The following PLXDC2 variants were observed in gnomAD, a reference collection of about 807,000 sequenced individuals.
The protein encoded by PLXDC2 is plexin domain containing 2, also known as plexin domain-containing protein 2.
A neutral mutation model predicts 68.9 loss-of-function variants in PLXDC2; 40 were observed. The observed-to-expected ratio is 0.58, with a 90% CI of 0.45 to 0.76. The LOEUF (loss-of-function observed/expected upper bound fraction) is 0.76. Ranked by LOEUF, PLXDC2 falls within the 30% of genes least tolerant of loss-of-function variation. The pLI, the probability that PLXDC2 is intolerant of heterozygous loss-of-function variation, is 0.00. For synonymous variants in PLXDC2, 243 were observed against 234.2 expected, an observed-to-expected ratio of 1.04 and a Z score of -0.34; for missense variants, 644 against 661.9, an observed-to-expected ratio of 0.97 and a Z score of 0.30.
intron 6 of PLXDC2, among the ~76,000 whole-genome samples, chr10:20,150,145 C>T (rs565207851): frequency 6.6e-5 from 10 of 152,220 alleles, no homozygotes; most frequent in African/African-American, 2.4e-4. Context: ...CCTCTTGATG[C>T]TGTACTTTCT....
intron 3 of PLXDC2, among the ~76,000 whole-genome samples, chr10:20,051,073 A>G (rs187199363): frequency 1.4e-4 from 22 of 152,202 alleles, no homozygotes; most frequent in Middle Eastern, 3.4e-3. Flanking sequence ...GAACAAGATC[A>G]TGTCTTTTGT....
At chr10:19,965,176 C>G (rs1385195796) in intron 1 of PLXDC2, among the ~76,000 whole-genome samples, 1 of 152,114 alleles carries the variant, frequency 6.6e-6, no homozygotes, top group African/African-American at 2.4e-5. Context: ...TGCTATTAAA[C>G]TAGATGATCC....
intron 4 of PLXDC2, among the ~76,000 whole-genome samples, chr10:20,113,394 A>G (rs1191586167): frequency 6.6e-6 from 1 of 152,144 alleles, no homozygotes; most frequent in Non-Finnish European, 1.5e-5. Flanking sequence ...ATCATCTTCC[A>G]TTGAACGCCT....
intron 4 of PLXDC2, among the ~76,000 whole-genome samples, chr10:20,115,678 C>T (rs1042901865): frequency 1.3e-5 from 2 of 152,126 alleles, no homozygotes; most frequent in Non-Finnish European, 2.9e-5. Flanking sequence ...CTACGCCTCC[C>T]CCATACTTCC....
chr10:20,188,323 T>G (rs1401045613), intron 9 of PLXDC2, among the ~76,000 whole-genome samples: 1 of 151,464 alleles, frequency 6.6e-6, no homozygotes, highest in Non-Finnish European at 1.5e-5. Flanking sequence ...GAAATCAACA[T>G]TTTTAGCTTC....
chr10:19,904,292 C>G lies in PLXDC2; in HGVS notation c.112+87101C>G, dbSNP rs576837194. Among the ~76,000 whole-genome samples, 5 of 152,198 alleles carry G rather than the reference C, an allele frequency of 3.3e-5. No homozygotes were observed. In the South Asian group the frequency reaches 1.0e-3, roughly 32 times the overall value. On this transcript the variant is annotated intron_variant, in intron 1 of 13. Coordinates refer to ENST00000377252, the MANE Select transcript of PLXDC2 (RefSeq NM_032812.9). The stretch of plus-strand genomic sequence containing the variant: ...TGCAGTCAGTGGAGCATTACGTCCC[C>G]CACTATTATTGTGTTGCTGTCTATC...
chr10:19,971,285 A>G (rs920051880), intron 1 of PLXDC2, among the ~76,000 whole-genome samples: 1 of 152,232 alleles, frequency 6.6e-6, no homozygotes, highest in Non-Finnish European at 1.5e-5. Flanking sequence ...TAATCATAAC[A>G]TGACGAGTGA....
chr10:20,101,154 A>G (rs1009668275), intron 4 of PLXDC2, among the ~76,000 whole-genome samples: 3 of 152,180 alleles, frequency 2.0e-5, no homozygotes, highest in African/African-American at 7.2e-5. Context: ...AGTGGCTTCT[A>G]AAAATGATGT....
At chr10:20,074,096 G>A (rs1836391555) in intron 4 of PLXDC2, among the ~76,000 whole-genome samples, 1 of 152,046 alleles carries the variant, frequency 6.6e-6, no homozygotes, top group Admixed American at 6.5e-5. Context: ...AAGATAATAT[G>A]TGGAATTGTG....
intron 4 of PLXDC2, among the ~76,000 whole-genome samples, chr10:20,116,569 G>A (rs1833625745): frequency 6.6e-6 from 1 of 152,148 alleles, no homozygotes; most frequent in Non-Finnish European, 1.5e-5. Context: ...AAGTAAAAAG[G>A]TTGTTAAGGG....
In PLXDC2 at chr10:20,288,335, T is replaced by C. The variant is rs2119412489; in HGVS notation, c.*8516T>C. On this transcript the variant is annotated 3_prime_UTR_variant, in exon 14 of 14. Coordinates refer to ENST00000377252, the MANE Select transcript of PLXDC2 (RefSeq NM_032812.9). ...AAGCATTTTGAATTTATTCCAGTCC[T>C]CTGGGCATCATTCCTATTTCTTCTG... 1 of 152,196 alleles carries C rather than the reference T, an allele frequency of 6.6e-6. No individual in the cohort carries two copies. The highest frequency in any genetic ancestry group is 1.9e-4 in the East Asian group (1 of 5,142). 9.4% of individuals were successfully genotyped at this position (152,196 alleles called of 1,614,324 possible).
chr10:20,198,505 C>A (rs1834872123), intron 9 of PLXDC2, among the ~76,000 whole-genome samples: 1 of 152,012 alleles, frequency 6.6e-6, no homozygotes, highest in African/African-American at 2.4e-5. Flanking sequence ...GGGTACTAAT[C>A]TCACAAGAGA....
intron 2 of PLXDC2, among the ~76,000 whole-genome samples, chr10:20,033,933 G>T (rs1380893628): frequency 6.6e-6 from 1 of 152,092 alleles, no homozygotes; most frequent in African/African-American, 2.4e-5. Context: ...AAACTTTGAA[G>T]GTGAGACAAA....
chr10:20,084,805 T>C (rs1412549112), intron 4 of PLXDC2, among the ~76,000 whole-genome samples: 2 of 151,540 alleles, frequency 1.3e-5, no homozygotes, highest in East Asian at 2.0e-4. Flanking sequence ...CTCTATCTTA[T>C]ATTTGGTCAA....
At chr10:20,029,787 G>T (rs577016689) in intron 2 of PLXDC2, among the ~76,000 whole-genome samples, 2 of 152,080 alleles carry the variant, frequency 1.3e-5, no homozygotes, top group Non-Finnish European at 2.9e-5. Flanking sequence ...AAACAAAACT[G>T]CTCAACAGAT....
chr10:20,140,735 G>T (rs1036498342), intron 4 of PLXDC2, among the ~76,000 whole-genome samples: 4 of 151,868 alleles, frequency 2.6e-5, no homozygotes, highest in Non-Finnish European at 4.4e-5. Context: ...TTTATTTCTT[G>T]GTCATTAGAA....
chr10:20,123,176 C>G (rs1285127137), intron 4 of PLXDC2, among the ~76,000 whole-genome samples: 2 of 151,948 alleles, frequency 1.3e-5, no homozygotes, highest in East Asian at 1.9e-4. Context: ...GGAGTGGAGG[C>G]TGAGGAAGAA....
rs1244137897 is a variant in PLXDC2, at chr10:20,281,061, AT to A, written c.*1247del. ...GTAAAATAATCCTTAATATTAGAATATTTTTCTGTCACTTAGCAAAAGTGGT... is the reference window on the plus strand; with the variant it reads ...GTAAAATAATCCTTAATATTAGAATATTTTCTGTCACTTAGCAAAAGTGGT... On this transcript the variant is annotated 3_prime_UTR_variant, in exon 14 of 14. Coordinates refer to ENST00000377252, the MANE Select transcript of PLXDC2 (RefSeq NM_032812.9). The A allele has an allele frequency of 2.6e-5, 4 of 152,062 alleles. No individual in the cohort carries two copies. Among genetic ancestry groups the A allele is most frequent in the African/African-American group, 9.7e-5 (4 of 41,408 alleles). The allele number at this position is 152,062 out of a possible 1,614,324, so 9.4% of individuals were successfully genotyped here.
intron 3 of PLXDC2, among the ~76,000 whole-genome samples, chr10:20,065,920 G>T (rs1256460787): frequency 2.0e-5 from 3 of 152,254 alleles, no homozygotes; most frequent in Non-Finnish European, 2.9e-5. Flanking sequence ...ACAGGTCATG[G>T]CCTGTGGCCT....
Sources: allele counts gnomAD v4.1 joint callset (sites outside exome capture counted in the v4.1 genomes callset), GRCh38; gene constraint gnomAD v4.1.1; transcripts MANE v1.5; gene names NCBI Gene and HGNC (gene_info 2026-07-23, HGNC 2026-07-21).